Variants in RIMS2 observed in about 807,000 individuals in gnomAD.
RIMS2 encodes regulating synaptic membrane exocytosis 2.
RIMS2 carries 59 observed loss-of-function variants against 174.4 expected under a neutral mutation model. The ratio of observed to expected loss-of-function variants is 0.34; its 90% confidence interval spans 0.27 to 0.42. The LOEUF is 0.42. RIMS2 is among the 10% of genes least tolerant of loss of function. RIMS2 has a pLI of 1.00. For missense variants in RIMS2, 1,620 were observed against 1,666.3 expected (o/e 0.97, Z 0.48); for synonymous variants, 606 against 572.5 (o/e 1.06, Z -0.84).
chr8:103,896,543 G>A (rs1056650551), intron 4 of RIMS2, among the ~76,000 whole-genome samples: 1 of 151,640 alleles, frequency 6.6e-6, no homozygotes, highest in Non-Finnish European at 1.5e-5. Context: ...TGATTTTTGT[G>A]AAGAGAAATA....
At chr8:104,075,160 A>G (rs557234055) in intron 19 of RIMS2, among the ~76,000 whole-genome samples, 9 of 152,298 alleles carry the variant, frequency 5.9e-5, no homozygotes, top group African/African-American at 1.4e-4. Context: ...CTGCTACAGG[A>G]AGAGCTGCTG....
intron 19 of RIMS2, among the ~76,000 whole-genome samples, chr8:104,087,108 A>T (rs529090488): frequency 6.6e-6 from 1 of 152,266 alleles, no homozygotes; most frequent in South Asian, 2.1e-4. Context: ...TAATTAGGTG[A>T]CTAAACTCTA....
At chr8:103,820,399 T>A (rs567160759) in intron 3 of RIMS2, among the ~76,000 whole-genome samples, 7 of 152,110 alleles carry the variant, frequency 4.6e-5, no homozygotes, top group Admixed American at 2.0e-4. Flanking sequence ...ACTAAATATA[T>A]GTGGAGAAGA....
chr8:103,941,989 G>A (rs1472992602), intron 13 of RIMS2, among the ~76,000 whole-genome samples: 1 of 152,138 alleles, frequency 6.6e-6, no homozygotes, highest in East Asian at 1.9e-4. Flanking sequence ...TCAATTGTAA[G>A]AGTTAATTTT....
At chr8:103,712,296 G>A (rs1050685383) in intron 2 of RIMS2, among the ~76,000 whole-genome samples, 5 of 151,620 alleles carry the variant, frequency 3.3e-5, no homozygotes, top group Non-Finnish European at 5.9e-5. Flanking sequence ...ACAGGTGTGA[G>A]CCACCATGCC....
chr8:104,161,146 T>C (rs1451244882), intron 19 of RIMS2, among the ~76,000 whole-genome samples: 2 of 152,196 alleles, frequency 1.3e-5, no homozygotes, highest in East Asian at 3.8e-4. Flanking sequence ...GTTATTAATA[T>C]TATTGTTAAC....
intron 4 of RIMS2, among the ~76,000 whole-genome samples, chr8:103,886,768 T>A (rs2099204729): frequency 6.6e-6 from 1 of 151,814 alleles, no homozygotes; most frequent in South Asian, 2.1e-4. Flanking sequence ...TTTCAATTGT[T>A]ATCACATCAT....
intron 11 of RIMS2, chr8:103,927,926 T>C (rs1190175580): frequency 6.4e-7 from 1 of 1,568,542 alleles, no homozygotes; most frequent in Non-Finnish European, 8.7e-7. Flanking sequence ...ACTAAAGTTG[T>C]GTTTAACCCT....
chr8:103,664,698 C>A (rs2096646676), intron 1 of RIMS2, among the ~76,000 whole-genome samples: 1 of 152,124 alleles, frequency 6.6e-6, no homozygotes, highest in Non-Finnish European at 1.5e-5. Flanking sequence ...TTTGTTCAAC[C>A]ATTGTGGAAG....
intron 2 of RIMS2, among the ~76,000 whole-genome samples, chr8:103,761,908 A>G (rs560363676): frequency 2.0e-5 from 3 of 152,262 alleles, no homozygotes; most frequent in African/African-American, 7.2e-5. Flanking sequence ...TCTTTAAACT[A>G]TAATCCCTCC....
intron 19 of RIMS2, among the ~76,000 whole-genome samples, chr8:104,069,658 G>A (rs10090200): frequency 0.25 from 38,209 of 151,362 alleles, 5,183 homozygotes; most frequent in South Asian, 0.36. Flanking sequence ...TAGGAGAGAC[G>A]AGGTTTCACT....
At chr8:103,988,567 CT>C (rs2154550179) in intron 16 of RIMS2, among the ~76,000 whole-genome samples, 1 of 152,302 alleles carries the variant, frequency 6.6e-6, no homozygotes, top group South Asian at 2.1e-4. Flanking sequence ...TCAAGCGATT[CT>C]TCTGCCTTGG....
At chr8:103,713,836 T>C (rs542466656) in intron 2 of RIMS2, among the ~76,000 whole-genome samples, 144 of 152,334 alleles carry the variant, frequency 9.5e-4, no homozygotes, top group Non-Finnish European at 1.4e-3. Flanking sequence ...AGGCATGAGC[T>C]TCACTCCATT....
chr8:103,968,011 C>T (rs2092339027), intron 15 of RIMS2, among the ~76,000 whole-genome samples: 1 of 152,010 alleles, frequency 6.6e-6, no homozygotes. Flanking sequence ...CAGGCACATG[C>T]CACCACATCT....
intron 19 of RIMS2, among the ~76,000 whole-genome samples, chr8:104,169,124 G>A (rs1009681430): frequency 6.6e-6 from 1 of 150,630 alleles, no homozygotes; most frequent in African/African-American, 2.4e-5. Flanking sequence ...TCTTTTTTTT[G>A]TTAAGTCCTT....
At chr8:103,585,528 T>C (rs2093866079) in intron 1 of RIMS2, among the ~76,000 whole-genome samples, 1 of 152,150 alleles carries the variant, frequency 6.6e-6, no homozygotes, top group Non-Finnish European at 1.5e-5. Flanking sequence ...GTGGCACATA[T>C]ATACCATAGA....
chr8:104,160,566 A>G (rs1315476516), intron 19 of RIMS2, among the ~76,000 whole-genome samples: 1 of 152,240 alleles, frequency 6.6e-6, no homozygotes, highest in Non-Finnish European at 1.5e-5. Context: ...ATCTACAGCT[A>G]CAAATGCAAA....
intron 19 of RIMS2, among the ~76,000 whole-genome samples, chr8:104,177,782 T>C (rs1010299392): frequency 6.6e-6 from 1 of 152,144 alleles, no homozygotes; most frequent in East Asian, 1.9e-4. Flanking sequence ...ACAGAGACCA[T>C]ATTTATTTTT....
chr8:103,793,966 A>C (rs957389500), intron 3 of RIMS2, among the ~76,000 whole-genome samples: 2 of 152,366 alleles, frequency 1.3e-5, no homozygotes, highest in South Asian at 2.1e-4. Flanking sequence ...TTCCATGCTC[A>C]TGGATAGGAA....
Sources: gnomAD v4.1 joint callset for allele counts (sites outside exome capture counted in the v4.1 genomes callset) on GRCh38, gnomAD v4.1.1 for gene constraint, MANE v1.5 for transcripts, NCBI Gene and HGNC (gene_info 2026-07-23, HGNC 2026-07-21) for gene names.